The following STK39 variants were observed in gnomAD, a reference collection of about 807,000 sequenced individuals.
STK39 encodes serine/threonine kinase 39, also known as STE20/SPS1-related proline-alanine-rich protein kinase.
In STK39, 20 loss-of-function variants were observed where a neutral mutation model predicts 77.8. The observed-to-expected ratio is 0.26, with a 90% CI of 0.18 to 0.37. STK39 has a LOEUF of 0.37. Ranked by LOEUF, STK39 falls within the 10% of genes least tolerant of loss-of-function variation. The pLI, the probability that STK39 is intolerant of heterozygous loss-of-function variation, is 1.00. For synonymous variants in STK39, 246 were observed against 234.1 expected, an observed-to-expected ratio of 1.05 and a Z score of -0.47; for missense variants, 479 against 656.5, an observed-to-expected ratio of 0.73 and a Z score of 2.95.
intron 14 of STK39, among the ~76,000 whole-genome samples, chr2:168,051,962 CT>C: frequency 6.7e-6 from 1 of 150,272 alleles, no homozygotes; most frequent in East Asian, 1.9e-4. Flanking sequence ...CTTCACTCTT[CT>C]TTTAGTGGAA....
chr2:168,140,811 A>G, intron 5 of STK39, 53 bp from the exon 6 acceptor site: 1 of 1,439,620 alleles, frequency 6.9e-7, no homozygotes, highest in Non-Finnish European at 9.5e-7. Flanking sequence ...TATTGCTTAT[A>G]AATTGTGATT....
chr2:168,123,506 A>C (rs951237956), intron 10 of STK39, among the ~76,000 whole-genome samples: 1 of 152,206 alleles, frequency 6.6e-6, no homozygotes, highest in Admixed American at 6.5e-5. Context: ...GAGTAAGAGA[A>C]AACACATACG....
chr2:168,148,494 G>A (rs2390637), intron 5 of STK39, among the ~76,000 whole-genome samples: 23,787 of 152,144 alleles, frequency 0.16, 1,964 homozygotes, highest in East Asian at 0.25. Flanking sequence ...GGGCACCTGC[G>A]CTGTGCTCAG....
chr2:167,964,778 T>A (rs1407332458), intron 16 of STK39, 52 bp from the exon 17 acceptor site: 1 of 1,484,684 alleles, frequency 6.7e-7, no homozygotes, highest in Non-Finnish European at 9.2e-7. Flanking sequence ...CCAATAACAG[T>A]GGATTTTCAC....
intron 1 of STK39, among the ~76,000 whole-genome samples, chr2:168,203,873 C>T (rs1192864972): frequency 1.3e-5 from 2 of 152,222 alleles, no homozygotes; most frequent in Non-Finnish European, 1.5e-5. Context: ...GGATTACAGG[C>T]GTGAGCCACC....
intron 10 of STK39, among the ~76,000 whole-genome samples, chr2:168,096,249 G>C (rs1488083582): frequency 6.6e-6 from 1 of 152,046 alleles, no homozygotes; most frequent in Admixed American, 6.6e-5. Flanking sequence ...GATGTGATTA[G>C]AATCCTTCCA....
intron 10 of STK39, among the ~76,000 whole-genome samples, chr2:168,089,833 G>A (rs770897850): frequency 4.9e-4 from 75 of 152,234 alleles, no homozygotes; most frequent in African/African-American, 1.7e-3. Flanking sequence ...GGCTGGTCTC[G>A]AACTCCTGAC....
At chr2:168,155,564 C>A (rs3820864) in intron 5 of STK39, among the ~76,000 whole-genome samples, 6,442 of 102,342 alleles carry the variant, frequency 0.063, 358 homozygotes, top group East Asian at 0.31. Flanking sequence ...CACTTGCACC[C>A]CCCCCACCCC....
chr2:168,128,223 T>G (rs141423074), intron 10 of STK39, among the ~76,000 whole-genome samples: 20 of 152,314 alleles, frequency 1.3e-4, no homozygotes, highest in African/African-American at 3.8e-4. Context: ...GGACATGTAC[T>G]ATATAAGCTA....
intron 15 of STK39, among the ~76,000 whole-genome samples, chr2:168,013,833 T>TGC (rs975547600): frequency 9.5e-6 from 1 of 105,432 alleles, no homozygotes; most frequent in Admixed American, 9.2e-5. Flanking sequence ...TGTGTGTGTG[T>TGC]GTATGTGTTT....
At chr2:168,151,305 C>A (rs1351299654) in intron 5 of STK39, among the ~76,000 whole-genome samples, 1 of 152,096 alleles carries the variant, frequency 6.6e-6, no homozygotes, top group African/African-American at 2.4e-5. Context: ...ATAAAAGAAA[C>A]ACAAAGAAGC....
chr2:167,972,089 C>T (rs1027431992), intron 16 of STK39, among the ~76,000 whole-genome samples: 6 of 152,116 alleles, frequency 3.9e-5, no homozygotes, highest in African/African-American at 1.4e-4. Flanking sequence ...TGTGGCTTGG[C>T]CCCAGGGCTA....
intron 1 of STK39, among the ~76,000 whole-genome samples, chr2:168,214,240 A>G (rs545053254): frequency 2.2e-4 from 14 of 64,564 alleles, no homozygotes; most frequent in African/African-American, 7.8e-4. Context: ...GATGTCAAAA[A>G]TAACAACAAC....
chr2:168,157,929 T>C (rs1288879042), intron 5 of STK39, among the ~76,000 whole-genome samples: 1 of 152,172 alleles, frequency 6.6e-6, no homozygotes, highest in Admixed American at 6.5e-5. Flanking sequence ...CCACTATTTT[T>C]TTTAAATCTT....
chr2:168,055,598 C>A (rs1388400859), intron 14 of STK39, among the ~76,000 whole-genome samples: 1 of 152,170 alleles, frequency 6.6e-6, no homozygotes, highest in Non-Finnish European at 1.5e-5. Flanking sequence ...ACATACCAGA[C>A]CAGCATATCT....
At chr2:167,974,106 TATTAAAAG>T in intron 16 of STK39, among the ~76,000 whole-genome samples, 1 of 152,304 alleles carries the variant, frequency 6.6e-6, no homozygotes, top group South Asian at 2.1e-4. Context: ...TTTCATGTAA[TATTAAAAG>T]ATAATAAAAG....
intron 16 of STK39, among the ~76,000 whole-genome samples, chr2:167,976,613 ACACCCATGGCTC>A (rs549669504): frequency 1.0e-3 from 154 of 152,186 alleles, no homozygotes; most frequent in African/African-American, 3.5e-3. Flanking sequence ...TGCATGTCTG[ACACCCATGGCTC>A]CACCTGGACC....
In STK39 at chr2:168,094,616, C is replaced by T. The variant is rs572654953; in HGVS notation, c.1090-19385G>A. The stretch of plus-strand genomic sequence containing the variant: ...TCTCTGCAGCATTCAGAACTGCTGA[C>T]CACCTTCACCTTCCTGGTTCCTGGG... On this transcript the variant is annotated intron_variant, in intron 10 of 17. Transcript: ENST00000355999. 7.2e-5 allele frequency among the ~76,000 whole-genome samples: 11 copies of T among 152,272 alleles called. No individual in the cohort carries two copies. The South Asian group carries it at 2.3e-3, about 32-fold the overall frequency.
chr2:168,245,039 A>G (rs563517773), intron 1 of STK39, among the ~76,000 whole-genome samples: 2 of 152,322 alleles, frequency 1.3e-5, no homozygotes, highest in South Asian at 4.1e-4. Flanking sequence ...CTAATAATTG[A>G]CCAAGTAGGT....
Sources: allele counts gnomAD v4.1 joint callset (sites outside exome capture counted in the v4.1 genomes callset), GRCh38; gene constraint gnomAD v4.1.1; transcripts MANE v1.5; gene names NCBI Gene and HGNC (gene_info 2026-07-23, HGNC 2026-07-21).